Variants in PIK3C2G observed in about 807,000 individuals in gnomAD.
PIK3C2G encodes phosphatidylinositol 3-kinase C2 domain-containing subunit gamma.
Under a neutral mutation model 181.1 loss-of-function variants are expected in PIK3C2G, and 168 were observed. The ratio of observed to expected loss-of-function variants is 0.93; its 90% CI spans 0.82 to 1.05. The LOEUF is 1.05. Ranked by LOEUF, PIK3C2G falls within the 50% of genes least tolerant of loss-of-function variation. The pLI, the probability that PIK3C2G is intolerant of heterozygous loss-of-function variation, is 0.00. For missense variants in PIK3C2G, 1,869 were observed against 1,732.8 expected (o/e 1.08, Z -1.40); for synonymous variants, 573 against 592.2 (o/e 0.97, Z 0.47).
At chr12:18,616,348 G>A (rs1948607838) in intron 31 of PIK3C2G, among the ~76,000 whole-genome samples, 1 of 152,028 alleles carries the variant, frequency 6.6e-6, no homozygotes, top group Admixed American at 6.6e-5. Flanking sequence ...ATAAGCAAAT[G>A]TTTGCTTAAG....
At chr12:18,343,392 A>G (rs1207075832) in intron 10 of PIK3C2G, 32 bp downstream of exon 10, 1 of 1,163,326 alleles carries the variant, frequency 8.6e-7, no homozygotes, top group South Asian at 1.4e-5. Context: ...GTATTTTGAA[A>G]TAAAGAAAAA....
At chr12:18,570,214 CT>C (rs568897739) in intron 29 of PIK3C2G, among the ~76,000 whole-genome samples, 5,907 of 144,230 alleles carry the variant, frequency 0.041, 107 homozygotes, top group Middle Eastern at 0.074. Flanking sequence ...AAAATGCACA[CT>C]TTTTTTTTTT....
the PIK3C2G span, chr12:18,699,747 A>C: frequency 6.5e-7 from 1 of 1,549,098 alleles, no homozygotes. Flanking sequence ...CTAGCAGTGA[A>C]TCTAACTCAT....
chr12:18,692,727 G>GA, the PIK3C2G span: 11 of 880,596 alleles, frequency 1.2e-5, no homozygotes, highest in African/African-American at 3.5e-5. Context: ...TCAACATAAA[G>GA]AAAAAATGTT....
rs144060852 is a variant in PIK3C2G at position 18,460,623 on chromosome 12, CATATAT to C, written c.2505-27806_2505-27801del. On this transcript the variant is annotated intron_variant, in intron 18 of 32. Coordinates refer to ENST00000538779, the MANE Select transcript of PIK3C2G (RefSeq NM_001288772.2). ...TAAATAAAAAGATTGACATCATATT[CATATAT>C]ATATATATATATATATATAGCACTT... Among the ~76,000 whole-genome samples the C allele has an allele frequency of 1.4e-3, 195 of 136,118 alleles. 2 individuals carry two copies. Among genetic ancestry groups the C allele is most frequent in the South Asian group, 0.013 (53 of 4,204 alleles). 89.3% of individuals were successfully genotyped at this position (136,118 alleles called of 152,430 possible). A position where few individuals can be genotyped will look rare whatever the true frequency, so the allele number is the denominator to read the frequency against.
intron 13 of PIK3C2G, among the ~76,000 whole-genome samples, chr12:18,380,865 T>C (rs1352697272): frequency 1.3e-5 from 2 of 152,248 alleles, no homozygotes; most frequent in South Asian, 2.1e-4. Flanking sequence ...ATCTGTTAAA[T>C]GGCAAGATGG....
chr12:18,665,943 A>T, the PIK3C2G span, among the ~76,000 whole-genome samples: 1 of 151,674 alleles, frequency 6.6e-6, no homozygotes, highest in Non-Finnish European at 1.5e-5. Context: ...TCAAAAAAAA[A>T]AAAAAACTAG....
chr12:18,426,020 T>C (rs1329130790), intron 18 of PIK3C2G, among the ~76,000 whole-genome samples: 1 of 152,226 alleles, frequency 6.6e-6, no homozygotes, highest in East Asian at 1.9e-4. Context: ...GACCTTGACT[T>C]TGAATTTTTC....
intron 8 of PIK3C2G, among the ~76,000 whole-genome samples, chr12:18,327,357 A>G (rs2137513497): frequency 6.6e-6 from 1 of 152,210 alleles, no homozygotes; most frequent in African/African-American, 2.4e-5. Context: ...TGTCAATTGG[A>G]AAAATAATGT....
At chr12:18,573,290 T>A (rs1454624897) in intron 29 of PIK3C2G, among the ~76,000 whole-genome samples, 1 of 152,214 alleles carries the variant, frequency 6.6e-6, no homozygotes, top group Non-Finnish European at 1.5e-5. Flanking sequence ...GAAACTGAAC[T>A]ATAGCCTTTG....
chr12:18,626,512 G>T (rs1949107213), intron 31 of PIK3C2G, among the ~76,000 whole-genome samples: 1 of 151,854 alleles, frequency 6.6e-6, no homozygotes, highest in Non-Finnish European at 1.5e-5. Flanking sequence ...TAGATTTCAT[G>T]ATTTCATAAG....
intron 31 of PIK3C2G, among the ~76,000 whole-genome samples, chr12:18,619,884 C>A (rs577196664): frequency 3.0e-4 from 45 of 152,022 alleles, no homozygotes; most frequent in Non-Finnish European, 6.5e-4. Context: ...ACCACCACTC[C>A]CGGTTAATTT....
At chr12:18,437,622 GCACTAGGCC>G (rs1338228102) in intron 18 of PIK3C2G, among the ~76,000 whole-genome samples, 1 of 151,924 alleles carries the variant, frequency 6.6e-6, no homozygotes, top group Non-Finnish European at 1.5e-5. Flanking sequence ...TTTAAATTGG[GCACTAGGCC>G]CATATGTTCC....
intron 7 of PIK3C2G, among the ~76,000 whole-genome samples, chr12:18,324,175 C>A (rs1272628348): frequency 1.3e-5 from 2 of 151,494 alleles, no homozygotes; most frequent in African/African-American, 4.9e-5. Context: ...GAGCGGAGAT[C>A]GCGCCACTGC....
At chr12:18,418,810 T>C (rs761972858) in intron 16 of PIK3C2G, among the ~76,000 whole-genome samples, 3 of 152,106 alleles carry the variant, frequency 2.0e-5, no homozygotes, top group Non-Finnish European at 4.4e-5. Context: ...GTATATAATA[T>C]AGAATTTTAT....
In PIK3C2G at chr12:18,447,820, T is replaced by C. The variant is rs74729766; in HGVS notation, c.2504+23781T>C. 2.0e-5 allele frequency among the ~76,000 whole-genome samples: 3 copies of C among 152,330 alleles called. No individual in the cohort carries two copies. The East Asian group carries it at 5.8e-4, about 29-fold the overall frequency. Reference sequence around the variant, plus strand: ...TCCACTAGTATGAAAGAACAACTGATAGCTATTGAGTAATATTGAAAATGT... The same window carrying C: ...TCCACTAGTATGAAAGAACAACTGACAGCTATTGAGTAATATTGAAAATGT... On this transcript the variant is annotated intron_variant, in intron 18 of 32. Coordinates refer to ENST00000538779, the MANE Select transcript of PIK3C2G (RefSeq NM_001288772.2).
At chr12:18,552,670 C>A (rs1355192553) in intron 26 of PIK3C2G, among the ~76,000 whole-genome samples, 2 of 152,044 alleles carry the variant, frequency 1.3e-5, no homozygotes, top group Non-Finnish European at 2.9e-5. Context: ...TAATAACAAA[C>A]CTGAACTAAA....
intron 1 of PIK3C2G, among the ~76,000 whole-genome samples, chr12:18,249,476 G>A (rs1805581618): frequency 6.6e-6 from 1 of 151,878 alleles, no homozygotes; most frequent in Admixed American, 6.6e-5. Context: ...TCCTACTCAT[G>A]GTCCTCCTAG....
In PIK3C2G at chr12:18,261,540, T is replaced by C. The variant is rs1389333342; in HGVS notation, c.-116T>C. On this transcript the variant is annotated 5_prime_UTR_variant, in exon 1 of 33. The change abolishes an upstream ATG in the 5' untranslated region. Transcript: ENST00000538779. ...AGCGTATTTGACTCTTGAAAAGAAA[T>C]GAGATCGTGTTTCATTTCAGGAAGA... 1 of 152,034 alleles carries C rather than the reference T, an allele frequency of 6.6e-6. No individual in the cohort carries two copies. Among genetic ancestry groups the C allele is most frequent in the African/African-American group, 2.4e-5 (1 of 41,424 alleles). 9.4% of individuals were successfully genotyped at this position (152,034 alleles called of 1,614,324 possible). A position where few individuals can be genotyped will look rare whatever the true frequency, so the allele number is the denominator to read the frequency against.
Sources: allele counts gnomAD v4.1 joint callset (sites outside exome capture counted in the v4.1 genomes callset), GRCh38; gene constraint gnomAD v4.1.1; transcripts MANE v1.5; gene names NCBI Gene and HGNC (gene_info 2026-07-23, HGNC 2026-07-21).